Variants in PARG observed in about 807,000 individuals in gnomAD.
PARG encodes the protein mitochondrial poly(ADP-ribose) glycohydrolase.
A neutral mutation model predicts 113.0 loss-of-function variants in PARG; 35 were observed. That is an observed-to-expected ratio of 0.31 (90% CI 0.24 to 0.41). The LOEUF is 0.41. Among genes scored for constraint, PARG ranks in the 10% least tolerant of loss-of-function variants. The probability of loss-of-function intolerance (pLI) is 1.00; values close to 1 mark genes in which losing one functional copy is unlikely to be tolerated. For missense variants in PARG, 797 were observed against 1,169.4 expected, an observed-to-expected ratio of 0.68 and a Z score of 4.64; for synonymous variants, 330 against 409.9, an observed-to-expected ratio of 0.81 and a Z score of 2.36.
At chr10:49,866,245 C>A (rs1392008528) in intron 10 of PARG, among the ~76,000 whole-genome samples, 1 of 151,930 alleles carries the variant, frequency 6.6e-6, no homozygotes, top group Non-Finnish European at 1.5e-5. Flanking sequence ...TTTCTGTTTT[C>A]TTGAATACAA....
At chr10:49,840,713 G>T (rs1382123509) in intron 15 of PARG, among the ~76,000 whole-genome samples, 4 of 152,064 alleles carry the variant, frequency 2.6e-5, no homozygotes, top group Non-Finnish European at 5.9e-5. Context: ...AATAGATCAG[G>T]ATATAAGATA....
chr10:49,825,002 C>T (rs1045887423), intron 16 of PARG, among the ~76,000 whole-genome samples: 2 of 152,090 alleles, frequency 1.3e-5, no homozygotes, highest in African/African-American at 4.8e-5. Context: ...GATTTAAATG[C>T]ATGCTGTCAA....
At chr10:49,881,205 T>C (rs1259659093) in intron 8 of PARG, among the ~76,000 whole-genome samples, 6 of 152,158 alleles carry the variant, frequency 3.9e-5, no homozygotes, top group Admixed American at 3.9e-4. Context: ...CCCCTTTACA[T>C]GTATTGATTG....
At chr10:49,920,463 A>AAT (rs202215714) in intron 6 of PARG, among the ~76,000 whole-genome samples, 818 of 47,720 alleles carry the variant, frequency 0.017, 27 homozygotes, top group Non-Finnish European at 0.033. Context: ...AAAAAAAAAA[A>AAT]ATATATATAT....
intron 1 of PARG, among the ~76,000 whole-genome samples, chr10:49,936,060 A>G (rs1389726725): frequency 3.3e-5 from 5 of 152,224 alleles, no homozygotes; most frequent in Non-Finnish European, 4.4e-5. Context: ...TCAGGAAGCC[A>G]GCCACACCCC....
chr10:49,836,307 CTTTT>C (rs1168567519), intron 15 of PARG, among the ~76,000 whole-genome samples: 3,369 of 47,586 alleles, frequency 0.071, 47 homozygotes, highest in African/African-American at 0.12. Flanking sequence ...TTTCTTACGA[CTTTT>C]TTTTTTTTTT....
In PARG at chr10:49,820,975, TG is replaced by T. The variant is rs1554828507; in HGVS notation, c.2648-683del. Among the ~76,000 whole-genome samples the T allele has an allele frequency of 7.2e-5, 11 of 152,328 alleles. No homozygotes were observed. The South Asian group carries it at 1.9e-3, about 26-fold the overall frequency. ...TTGCTGTGTCTTATCACACAGCCACTGGCCTTTTGTATAGGCACATTTGGGA... is the reference window on the plus strand; with the variant it reads ...TTGCTGTGTCTTATCACACAGCCACTGCCTTTTGTATAGGCACATTTGGGA... On this transcript the variant is annotated intron_variant, in intron 16 of 17. Transcript: ENST00000616448.
chr10:49,841,050 C>T (rs772420394), intron 15 of PARG, among the ~76,000 whole-genome samples: 6 of 152,158 alleles, frequency 3.9e-5, no homozygotes, highest in Middle Eastern at 3.4e-3. Flanking sequence ...GTCAGGAGTT[C>T]GAGACCAGCC....
Position 49,922,527 on chromosome 10 carries a change from A to T in PARG, c.1578+20T>A, listed in dbSNP as rs782571257. 4.5e-5 allele frequency: 73 copies of T among 1,610,460 alleles called. No homozygotes were observed. Among genetic ancestry groups the T allele is most frequent in the Admixed American group, 2.8e-4 (17 of 59,764 alleles). On this transcript the variant is annotated intron_variant, in intron 5 of 17. Coordinates refer to ENST00000616448, the MANE Select transcript of PARG (RefSeq NM_003631.5). ...CAAACCATTTTTCAGAGACTAAAAG[A>T]ATCTCGGTTTTGTTCTTACCTCATC...
chr10:49,880,885 T>C (rs1847181733), intron 8 of PARG, among the ~76,000 whole-genome samples: 1 of 152,196 alleles, frequency 6.6e-6, no homozygotes. Context: ...AATTGAAGTA[T>C]TTTACCCCAA....
chr10:49,835,454 A>G (rs1477535097), intron 15 of PARG, among the ~76,000 whole-genome samples: 1 of 152,132 alleles, frequency 6.6e-6, no homozygotes, highest in Admixed American at 6.5e-5. Context: ...ACCAATGAAC[A>G]ACCCTCTCTT....
intron 16 of PARG, among the ~76,000 whole-genome samples, chr10:49,827,172 C>T (rs1464568696): frequency 1.3e-5 from 2 of 152,080 alleles, no homozygotes; most frequent in East Asian, 1.9e-4. Context: ...TACAAGGGAC[C>T]GAAGTAATTA....
chr10:49,913,355 A>C (rs1396921967), intron 7 of PARG, among the ~76,000 whole-genome samples: 1 of 152,236 alleles, frequency 6.6e-6, no homozygotes, highest in African/African-American at 2.4e-5. Flanking sequence ...AATCTCCAAC[A>C]AACACAGGAA....
At position 49,832,882 on chromosome 10, in the gene PARG, T is replaced by A; in HGVS notation, c.2568A>T (p.Gly856=). 6.5e-7 allele frequency: 1 copy of A among 1,549,600 alleles called. No individual in the cohort carries two copies. The highest frequency in any genetic ancestry group is 8.7e-7 in the Non-Finnish European group (1 of 1,145,328). The change falls in exon 16 of 18, where the codon GGA becomes GGT. Residue 856 remains glycine, a synonymous_variant. Coordinates refer to ENST00000616448, the MANE Select transcript of PARG (RefSeq NM_003631.5). ...CTGCAGAAAGATTCTCTGAAGAAAC[T>A]CCAGGACGGAGAAATCCACAGTAAG... is the stretch of plus-strand genomic sequence containing the variant. ...NKAYCGFLRP[G]VSSENLSAVA...
At chr10:49,822,462 A>C (rs187988772) in intron 16 of PARG, among the ~76,000 whole-genome samples, 8 of 152,310 alleles carry the variant, frequency 5.3e-5, no homozygotes, top group Admixed American at 5.2e-4. Flanking sequence ...CAGAAGGTAA[A>C]GTAGTGCTCA....
chr10:49,933,729 G>C lies in PARG; in HGVS notation c.719C>G (p.Ser240Cys). Reference protein sequence around the residue: ...EAKSHQKCSKSCDPGEDCASC... With the variant: ...EAKSHQKCSKCCDPGEDCASC... ...TGCACAGTCTTCCCCAGGATCGCAA[G>C]ACTTGCTGCACTTCTGGTGGCTTTT... Residue 240 changes from serine (S) to cysteine (C), a missense_variant, in exon 3 of 18, where the codon TCT becomes TGT. Physicochemically the swap from Ser to Cys is moderately radical, Grantham distance 112 (BLOSUM62 -1). Coordinates refer to ENST00000616448, the MANE Select transcript of PARG (RefSeq NM_003631.5). 1 of 1,612,244 alleles carries C rather than the reference G, an allele frequency of 6.2e-7. No individual in the cohort carries two copies.
chr10:49,912,893 C>T (rs1315014993), intron 7 of PARG, among the ~76,000 whole-genome samples: 1 of 152,106 alleles, frequency 6.6e-6, no homozygotes, highest in Non-Finnish European at 1.5e-5. Flanking sequence ...TATACAGCCC[C>T]GGAGGTTTGA....
intron 10 of PARG, 151 bp downstream of exon 10, chr10:49,869,325 A>C: frequency 1.5e-6 from 1 of 673,346 alleles, no homozygotes; most frequent in Non-Finnish European, 2.7e-6. Context: ...CATAAGCATA[A>C]AACTAGGTTA....
intron 13 of PARG, among the ~76,000 whole-genome samples, chr10:49,854,538 G>A (rs1433893042): frequency 2.6e-5 from 4 of 151,426 alleles, no homozygotes; most frequent in South Asian, 2.1e-4. Flanking sequence ...GGGCTCATGC[G>A]TGCCCATGGC....
Sources: allele counts gnomAD v4.1 joint callset (sites outside exome capture counted in the v4.1 genomes callset), GRCh38; gene constraint gnomAD v4.1.1; transcripts MANE v1.5; gene names NCBI Gene and HGNC (gene_info 2026-07-23, HGNC 2026-07-21).